Variants in PPP2R2B observed in about 807,000 individuals in gnomAD.
The protein encoded by PPP2R2B is protein phosphatase 2 regulatory subunit Bbeta.
Under a neutral mutation model 46.0 loss-of-function variants are expected in PPP2R2B, and 5 were observed. The observed-to-expected ratio is 0.11, with a 90% confidence interval of 0.06 to 0.23. The LOEUF (loss-of-function observed/expected upper bound fraction) is 0.23, where lower values mean the gene tolerates loss of function less well. PPP2R2B is among the 10% of genes least tolerant of loss of function. The pLI is 1.00. For synonymous variants in PPP2R2B, 215 were observed against 206.7 expected (o/e 1.04, Z -0.34); for missense variants, 367 against 575.0 (o/e 0.64, Z 3.70).
chr5:146,803,102 A>C (rs1756963639), intron 2 of PPP2R2B, among the ~76,000 whole-genome samples: 1 of 152,214 alleles, frequency 6.6e-6, no homozygotes, highest in Non-Finnish European at 1.5e-5. Context: ...TCTCTCTCCA[A>C]AACATGTTTA....
At chr5:147,061,339 G>T (rs760838206) in intron 2 of PPP2R2B, among the ~76,000 whole-genome samples, 4 of 152,082 alleles carry the variant, frequency 2.6e-5, no homozygotes, top group African/African-American at 4.8e-5. Context: ...CTTGGAGGAG[G>T]TGACATTTGA....
chr5:146,633,353 T>C (rs1774565800), intron 7 of PPP2R2B, among the ~76,000 whole-genome samples: 1 of 152,218 alleles, frequency 6.6e-6, no homozygotes, highest in South Asian at 2.1e-4. Flanking sequence ...TGATGAACTG[T>C]CTCAATTCCG....
chr5:146,880,823 C>T (rs1762142500), upstream of PPP2R2B, among the ~76,000 whole-genome samples: 1 of 152,210 alleles, frequency 6.6e-6, no homozygotes, highest in Non-Finnish European at 1.5e-5. Flanking sequence ...ATTTATTCAA[C>T]AGTCCAGGCA....
intron 1 of PPP2R2B, among the ~76,000 whole-genome samples, chr5:146,924,276 C>T (rs1582437048): frequency 6.6e-6 from 1 of 152,160 alleles, no homozygotes; most frequent in Admixed American, 6.6e-5. Context: ...TTCTCTGACA[C>T]CCCTGTGCTG....
chr5:146,657,655 G>A (rs1340557670), intron 5 of PPP2R2B, among the ~76,000 whole-genome samples: 1 of 145,112 alleles, frequency 6.9e-6, no homozygotes, highest in Non-Finnish European at 1.5e-5. Flanking sequence ...TTACTAAGGT[G>A]TACTATGCAA....
intron 1 of PPP2R2B, among the ~76,000 whole-genome samples, chr5:146,933,989 T>C (rs1400460233): frequency 6.6e-6 from 1 of 152,134 alleles, no homozygotes; most frequent in African/African-American, 2.4e-5. Flanking sequence ...ATTTCATCCA[T>C]GTCACTACAA....
chr5:146,790,061 A>G (rs551595819), intron 2 of PPP2R2B, among the ~76,000 whole-genome samples: 139 of 152,324 alleles, frequency 9.1e-4, no homozygotes, highest in Admixed American at 1.4e-3. Context: ...AATGTTCTCA[A>G]ACACTAGCCC....
intron 2 of PPP2R2B, among the ~76,000 whole-genome samples, chr5:146,813,888 C>A (rs115374341): frequency 4.7e-4 from 71 of 152,152 alleles, no homozygotes; most frequent in Non-Finnish European, 8.2e-4. Context: ...AGGAGGAGTC[C>A]TGGCAAGATG....
intron 5 of PPP2R2B, among the ~76,000 whole-genome samples, chr5:146,689,102 A>T (rs560807784): frequency 1.1e-4 from 17 of 152,196 alleles, no homozygotes; most frequent in Non-Finnish European, 2.2e-4. Flanking sequence ...GTAGGGGGTA[A>T]TAATAGCCAT....
intron 2 of PPP2R2B, among the ~76,000 whole-genome samples, chr5:146,812,805 A>ATATATATATATG (rs1757687747): frequency 1.7e-5 from 1 of 57,154 alleles, no homozygotes; most frequent in Non-Finnish European, 3.3e-5. Flanking sequence ...ATATATATAT[A>ATATATATATATG]TATATATATA....
intron 1 of PPP2R2B, among the ~76,000 whole-genome samples, chr5:147,022,280 A>G (rs941147789): frequency 7.2e-5 from 11 of 152,054 alleles, no homozygotes; most frequent in African/African-American, 2.7e-4. Context: ...TTTTCTGGCC[A>G]GGCGCGGTGA....
intron 1 of PPP2R2B, among the ~76,000 whole-genome samples, chr5:146,928,281 T>A (rs1489231125): frequency 6.6e-6 from 1 of 151,972 alleles, no homozygotes; most frequent in Non-Finnish European, 1.5e-5. Flanking sequence ...TATATATATA[T>A]TTTTTTAGAT....
chr5:146,792,596 T>TA (rs1470086901), intron 2 of PPP2R2B, among the ~76,000 whole-genome samples: 4 of 152,158 alleles, frequency 2.6e-5, no homozygotes, highest in Non-Finnish European at 5.9e-5. Context: ...TCAGAAAGAC[T>TA]AAAGGTGCAA....
intron 2 of PPP2R2B, among the ~76,000 whole-genome samples, chr5:146,722,660 A>G (rs2151195686): frequency 6.6e-6 from 1 of 152,352 alleles, no homozygotes; most frequent in East Asian, 1.9e-4. Flanking sequence ...ATGACTGACA[A>G]GCAAGTGGGT....
chr5:146,935,442 C>A lies in PPP2R2B; in HGVS notation c.79+120223G>T, dbSNP rs140097321. Among the ~76,000 whole-genome samples, 320 of 152,242 alleles carry A rather than the reference C, an allele frequency of 2.1e-3. 2 individuals are homozygous for A. Among genetic ancestry groups the A allele is most frequent in the African/African-American group, 7.4e-3 (309 of 41,538 alleles). On this transcript the variant is annotated intron_variant, in intron 1 of 8. Transcript: ENST00000336640. ...AGCTTATGATATTTTATTATAGCTG[C>A]CTGAATGGACTATGACACTGTCTAA...
chr5:147,053,906 G>A (rs1364220903), intron 1 of PPP2R2B, among the ~76,000 whole-genome samples: 1 of 152,142 alleles, frequency 6.6e-6, no homozygotes, highest in Non-Finnish European at 1.5e-5. Flanking sequence ...TTTCCACTAT[G>A]TCCCAGAGCC....
At chr5:147,047,575 AC>A in intron 1 of PPP2R2B, among the ~76,000 whole-genome samples, 1 of 152,222 alleles carries the variant, frequency 6.6e-6, no homozygotes. Flanking sequence ...TACACTATAT[AC>A]TTGGTATGAA....
intron 2 of PPP2R2B, among the ~76,000 whole-genome samples, chr5:146,808,332 A>G (rs1757314852): frequency 6.6e-6 from 1 of 152,244 alleles, no homozygotes; most frequent in Non-Finnish European, 1.5e-5. Flanking sequence ...GCACAGATAT[A>G]GAATATTTCC....
intron 7 of PPP2R2B, among the ~76,000 whole-genome samples, chr5:146,626,938 T>C (rs1774104421): frequency 6.6e-6 from 1 of 152,108 alleles, no homozygotes; most frequent in Non-Finnish European, 1.5e-5. Context: ...ACAGAACTGG[T>C]TAAATTAATC....
Sources: allele counts gnomAD v4.1 joint callset (sites outside exome capture counted in the v4.1 genomes callset), GRCh38; gene constraint gnomAD v4.1.1; transcripts MANE v1.5; gene names NCBI Gene and HGNC (gene_info 2026-07-23, HGNC 2026-07-21).